Variants in WFDC8 observed in about 807,000 individuals in gnomAD.
WFDC8 encodes WAP four-disulfide core domain protein 8.
In WFDC8, 24 loss-of-function variants were observed where a neutral mutation model predicts 27.0. The ratio of observed to expected loss-of-function variants is 0.89; its 90% CI spans 0.64 to 1.25. The LOEUF (loss-of-function observed/expected upper bound fraction) is 1.25, where lower values mean the gene tolerates loss of function less well. WFDC8 is among the 50% of genes most tolerant of loss of function. The pLI, the probability that WFDC8 is intolerant of heterozygous loss-of-function variation, is 0.00. For synonymous variants in WFDC8, 106 were observed against 99.7 expected (o/e 1.06, Z -0.38); for missense variants, 287 against 295.9 (o/e 0.97, Z 0.22).
chr20:45,573,607 T>C (rs1204618899), intron 1 of WFDC8, among the ~76,000 whole-genome samples: 1 of 152,152 alleles, frequency 6.6e-6, no homozygotes, highest in Non-Finnish European at 1.5e-5. Flanking sequence ...TCCAGCTCCA[T>C]CCAAGTTGCT....
Position 45,579,132 on chromosome 20 carries a change from C to A in WFDC8, c.26+90G>T, listed in dbSNP as rs990893618. ...TATGCTTGGCCCAACTCCCCACAGC[C>A]GACCACTCTAACTTCTATGTATCCT... On this transcript the variant is annotated intron_variant, in intron 1 of 5. Transcript: ENST00000289953. 4 of 1,339,172 alleles carry A rather than the reference C, an allele frequency of 3.0e-6. No homozygotes were observed. In the East Asian group the frequency reaches 6.9e-5, roughly 23 times the overall value. The allele number at this position is 1,339,172 out of a possible 1,614,324, so 83.0% of individuals were successfully genotyped here.
intron 1 of WFDC8, among the ~76,000 whole-genome samples, chr20:45,570,123 A>G (rs979834291): frequency 6.6e-6 from 1 of 152,150 alleles, no homozygotes; most frequent in African/African-American, 2.4e-5. Flanking sequence ...AATCTGTACA[A>G]CAAACCCCCA....
chr20:45,552,851 T>C (rs200724048), intron 5 of WFDC8, among the ~76,000 whole-genome samples: 4 of 152,222 alleles, frequency 2.6e-5, no homozygotes, highest in Admixed American at 1.3e-4. Context: ...TCGGTGAATA[T>C]TGTCACCTTG....
chr20:45,561,875 C>CTA (rs760419975), intron 2 of WFDC8, among the ~76,000 whole-genome samples: 1 of 151,686 alleles, frequency 6.6e-6, no homozygotes, highest in Non-Finnish European at 1.5e-5. Context: ...TAGATGCAAA[C>CTA]TATATATATA....
chr20:45,565,365 T>C (rs1441025505), intron 1 of WFDC8, among the ~76,000 whole-genome samples: 3 of 152,210 alleles, frequency 2.0e-5, no homozygotes, highest in Non-Finnish European at 4.4e-5. Flanking sequence ...AGGTAGATTT[T>C]CCAGGAGGTA....
rs757743352 is a variant in WFDC8 at position 45,555,808 on chromosome 20, A to C, written c.338T>G (p.Phe113Cys). The C allele has an allele frequency of 1.5e-5, 25 of 1,613,894 alleles. No individual in the cohort carries two copies. In the African/African-American group the frequency reaches 3.1e-4, roughly 20 times the overall value. The change falls in exon 4 of 6, where the codon TTT (phenylalanine) becomes TGT (cysteine). Residue 113 changes from phenylalanine (F) to cysteine (C), a missense_variant. Transcript: ENST00000289953. Reference protein sequence around the residue: ...NCNHEAQRWHFDFKNYRCTPF... With the variant: ...NCNHEAQRWHCDFKNYRCTPF... ...TGTGCAGCGGTAATTTTTAAAGTCA[A>C]AATGCCAGCGCTGTGCCTCATGATT...
At position 45,562,115 on chromosome 20, in the gene WFDC8, ATCT is replaced by A; in HGVS notation, c.128_130del (p.Lys43del). 1 of 1,613,930 alleles carries A rather than the reference ATCT, an allele frequency of 6.2e-7. No homozygotes were observed. Among genetic ancestry groups the A allele is most frequent in the Non-Finnish European group, 8.5e-7 (1 of 1,179,876 alleles). ...TGCAGCTTTTTTGAACTCACGTTTG[ATCT>A]TCTTGGTCAGCATTGCAGAAGTCCA... is the stretch of plus-strand genomic sequence containing the variant. On this transcript the variant is annotated inframe_deletion, in exon 2 of 6. Transcript: ENST00000289953.
Position 45,562,936 on chromosome 20 carries a change from G to C in WFDC8, c.27-717C>G, listed in dbSNP as rs1326180212. On this transcript the variant is annotated intron_variant, in intron 1 of 5. Coordinates refer to ENST00000289953, the MANE Select transcript of WFDC8 (RefSeq NM_130896.3). ...TGCATGCATTTCAAAAATGCAAGAG[G>C]TGGGTAGAGGGAGAAAGAGGAAGCA... Among the ~76,000 whole-genome samples, 3 of 152,196 alleles carry C rather than the reference G, an allele frequency of 2.0e-5. No homozygotes were observed. The East Asian group carries it at 5.8e-4, about 29-fold the overall frequency.
intron 2 of WFDC8, 55 bp downstream of exon 2, chr20:45,562,055 C>T (rs1462062930): frequency 2.6e-6 from 4 of 1,534,294 alleles, no homozygotes; most frequent in African/African-American, 1.4e-5. Flanking sequence ...ATGTCTAACC[C>T]TCATCCCCAA....
chr20:45,567,609 T>TA (rs1216004164), intron 1 of WFDC8, among the ~76,000 whole-genome samples: 1 of 152,164 alleles, frequency 6.6e-6, no homozygotes, highest in Non-Finnish European at 1.5e-5. Context: ...AACTGACTTT[T>TA]AAAATGCTCA....
chr20:45,557,078 C>A (rs1980286794), intron 3 of WFDC8, among the ~76,000 whole-genome samples: 1 of 152,254 alleles, frequency 6.6e-6, no homozygotes, highest in Admixed American at 6.5e-5. Context: ...ACAGAAAGGG[C>A]CAATTGATCA....
intron 4 of WFDC8, among the ~76,000 whole-genome samples, chr20:45,553,654 G>C (rs1015484604): frequency 6.6e-6 from 1 of 152,202 alleles, no homozygotes; most frequent in Non-Finnish European, 1.5e-5. Flanking sequence ...GATATGGCCT[G>C]ACTCATGTTT....
Position 45,551,928 on chromosome 20 carries a change from A to T in WFDC8, c.*98T>A. 1 of 1,365,512 alleles carries T rather than the reference A, an allele frequency of 7.3e-7. No individual in the cohort carries two copies. The highest frequency in any genetic ancestry group is 1.0e-6 in the Non-Finnish European group (1 of 986,392). The allele number at this position is 1,365,512 out of a possible 1,614,324, so 84.6% of individuals were successfully genotyped here. On this transcript the variant is annotated 3_prime_UTR_variant, in exon 6 of 6. Coordinates refer to ENST00000289953, the MANE Select transcript of WFDC8 (RefSeq NM_130896.3). Reference sequence around the variant, plus strand: ...AACATCATTCAATATTGTGATACTTAAGATAATTTGGCAAGTTGGATACAA... The same window carrying T: ...AACATCATTCAATATTGTGATACTTTAGATAATTTGGCAAGTTGGATACAA...
At chr20:45,562,440 T>C (rs1271925502) in intron 1 of WFDC8, among the ~76,000 whole-genome samples, 1 of 152,342 alleles carries the variant, frequency 6.6e-6, no homozygotes, top group Non-Finnish European at 1.5e-5. Context: ...TACCCTGCCA[T>C]GGTGCTGTAC....
chr20:45,565,786 A>C (rs568106388), intron 1 of WFDC8, among the ~76,000 whole-genome samples: 11 of 152,322 alleles, frequency 7.2e-5, no homozygotes, highest in African/African-American at 2.6e-4. Flanking sequence ...GGGGATGTAG[A>C]TTAAGACATT....
intron 1 of WFDC8, among the ~76,000 whole-genome samples, chr20:45,565,127 G>C (rs1980633339): frequency 6.7e-6 from 1 of 148,644 alleles, no homozygotes; most frequent in African/African-American, 2.5e-5. Context: ...AGAGAAGGAA[G>C]GAAGGAAGGG....
intron 1 of WFDC8, chr20:45,568,649 A>G: frequency 1.9e-6 from 1 of 537,000 alleles, no homozygotes; most frequent in Non-Finnish European, 3.8e-6. Context: ...CAGAAAGTGT[A>G]CTGTTGCAGG....
At chr20:45,557,387 G>T (rs141339120) in intron 3 of WFDC8, among the ~76,000 whole-genome samples, 2 of 152,058 alleles carry the variant, frequency 1.3e-5, no homozygotes, top group African/African-American at 2.4e-5. Flanking sequence ...TGATTGTAAT[G>T]GTTCCTATTT....
chr20:45,565,116 G>A (rs1165206623), intron 1 of WFDC8, among the ~76,000 whole-genome samples: 1 of 149,304 alleles, frequency 6.7e-6, no homozygotes, highest in Non-Finnish European at 1.5e-5. Context: ...AAGAAGGAAG[G>A]AGAGAAGGAA....
Sources: gnomAD v4.1 joint callset for allele counts (sites outside exome capture counted in the v4.1 genomes callset) on GRCh38, gnomAD v4.1.1 for gene constraint, MANE v1.5 for transcripts, NCBI Gene and HGNC (gene_info 2026-07-23, HGNC 2026-07-21) for gene names.